The following NINJ2 variants were observed in gnomAD, a reference collection of about 807,000 sequenced individuals.
The protein encoded by NINJ2 is ninjurin-2.
In NINJ2, 12 loss-of-function variants were observed where a neutral mutation model predicts 11.7. That is an observed-to-expected ratio of 1.02 (90% CI 0.66 to 1.66). The LOEUF is 1.66. Ranked by LOEUF, NINJ2 falls within the 40% of genes most tolerant of loss-of-function variation. The probability of loss-of-function intolerance (pLI) is 0.00; values close to 1 mark genes in which losing one functional copy is unlikely to be tolerated. For missense variants in NINJ2, 187 were observed against 181.8 expected, an observed-to-expected ratio of 1.03 and a Z score of -0.16; for synonymous variants, 93 against 76.8, an observed-to-expected ratio of 1.21 and a Z score of -1.10.
intron 1 of NINJ2, among the ~76,000 whole-genome samples, chr12:616,980 C>T (rs1324559832): frequency 3.3e-5 from 5 of 152,144 alleles, no homozygotes; most frequent in Admixed American, 6.5e-5. Flanking sequence ...CCAAGGTTGG[C>T]GGATCACCTG....
At position 591,630 on chromosome 12, in the gene NINJ2, G is replaced by A. The variant is rs1381411169; in HGVS notation, c.34-25452C>T. Among the ~76,000 whole-genome samples, 4 of 152,126 alleles carry A rather than the reference G, an allele frequency of 2.6e-5. No individual in the cohort carries two copies. The highest frequency in any genetic ancestry group is 4.2e-4 in the South Asian group (2 of 4,812). On this transcript the variant is annotated intron_variant, in intron 1 of 3. Coordinates refer to ENST00000305108, the MANE Select transcript of NINJ2 (RefSeq NM_016533.6). The surrounding 1 kb of genome is among the most constrained non-coding windows in gnomAD (Gnocchi z 5.0). ...CTTTTGGCTGAGCTCCGAGTCCCTGGAGGGACAGTGTCTGCTGTGAACAGA... is the reference window on the plus strand; with the variant it reads ...CTTTTGGCTGAGCTCCGAGTCCCTGAAGGGACAGTGTCTGCTGTGAACAGA...
intron 1 of NINJ2, among the ~76,000 whole-genome samples, chr12:652,775 C>T (rs1289134922): frequency 6.6e-6 from 1 of 151,188 alleles, no homozygotes; most frequent in African/African-American, 2.4e-5. Flanking sequence ...TAGTGAAACC[C>T]CATGTCTACT....
At chr12:648,123 A>G (rs1430480179) in intron 1 of NINJ2, among the ~76,000 whole-genome samples, 1 of 152,170 alleles carries the variant, frequency 6.6e-6, no homozygotes, top group Non-Finnish European at 1.5e-5. Context: ...CCCAGGCTGG[A>G]GTGCAATGGT....
At chr12:615,168 C>G (rs1302445840) in intron 1 of NINJ2, among the ~76,000 whole-genome samples, 1 of 152,162 alleles carries the variant, frequency 6.6e-6, no homozygotes, top group Non-Finnish European at 1.5e-5. Flanking sequence ...GATATGCACG[C>G]CCCATTAGGA....
chr12:595,645 C>T (rs899506415), intron 1 of NINJ2, among the ~76,000 whole-genome samples: 1 of 151,902 alleles, frequency 6.6e-6, no homozygotes, highest in Admixed American at 6.6e-5. Flanking sequence ...CCCAGTTACT[C>T]GGGAGGCTGA....
intron 1 of NINJ2, among the ~76,000 whole-genome samples, chr12:631,363 T>TTTAG (rs761754682): frequency 3.3e-5 from 5 of 151,964 alleles, no homozygotes; most frequent in Non-Finnish European, 7.4e-5. Context: ...TAAATTTTTA[T>TTTAG]TTATTTATTT....
intron 1 of NINJ2, among the ~76,000 whole-genome samples, chr12:596,927 A>G (rs1468045373): frequency 6.6e-6 from 1 of 151,828 alleles, no homozygotes; most frequent in African/African-American, 2.4e-5. Context: ...TGTCTCAAAA[A>G]AAAAACAAAA....
chr12:649,390 A>G (rs1307001509), intron 1 of NINJ2, among the ~76,000 whole-genome samples: 1 of 152,130 alleles, frequency 6.6e-6, no homozygotes, highest in Admixed American at 6.6e-5. Flanking sequence ...AGATACAAAA[A>G]ATAAGAGTTG....
At chr12:601,768 A>T (rs1400419905) in intron 1 of NINJ2, among the ~76,000 whole-genome samples, 1 of 152,164 alleles carries the variant, frequency 6.6e-6, no homozygotes, top group African/African-American at 2.4e-5. Context: ...CGGGAGGCTG[A>T]GGCAGGAGAA....
At chr12:604,927 G>C (rs758151083) in intron 1 of NINJ2, among the ~76,000 whole-genome samples, 5 of 152,218 alleles carry the variant, frequency 3.3e-5, no homozygotes, top group Non-Finnish European at 7.3e-5. Flanking sequence ...TCCAGGAACT[G>C]GTTTAGGTCC....
In NINJ2 at chr12:581,086, T is replaced by C. The variant is rs1161618873; in HGVS notation, c.34-14908A>G. Among the ~76,000 whole-genome samples, 1 of 151,188 alleles carries C rather than the reference T, an allele frequency of 6.6e-6. No homozygotes were observed. Among genetic ancestry groups the C allele is most frequent in the Non-Finnish European group, 1.5e-5 (1 of 67,792 alleles). ...GCGTGTCTCTGTGCCTCTGTGTGTG[T>C]GTGCATGTGTCTCTGTGTGTCTGTG... On this transcript the variant is annotated intron_variant, in intron 1 of 3. Transcript: ENST00000305108. This position sits in a 1 kb window ranked among gnomAD's most constrained non-coding sequence, Gnocchi z 4.9.
At chr12:653,965 A>C (rs1027571245) in intron 1 of NINJ2, among the ~76,000 whole-genome samples, 2 of 152,214 alleles carry the variant, frequency 1.3e-5, no homozygotes, top group African/African-American at 4.8e-5. Flanking sequence ...TAGGAGGCTG[A>C]AATGGGAAAA....
At chr12:632,972 T>C (rs1188925449) in intron 1 of NINJ2, among the ~76,000 whole-genome samples, 1 of 152,132 alleles carries the variant, frequency 6.6e-6, no homozygotes, top group Non-Finnish European at 1.5e-5. Context: ...GTGGGCCGGG[T>C]TGAGCTTGGG....
intron 1 of NINJ2, among the ~76,000 whole-genome samples, chr12:601,375 T>C (rs1458160444): frequency 6.8e-6 from 1 of 147,800 alleles, no homozygotes; most frequent in Non-Finnish European, 1.5e-5. Flanking sequence ...TGAAACCCCG[T>C]CTCTACTAAA....
At chr12:622,233 C>T (rs554922792) in intron 1 of NINJ2, among the ~76,000 whole-genome samples, 31 of 150,368 alleles carry the variant, frequency 2.1e-4, no homozygotes, top group South Asian at 6.3e-4. Flanking sequence ...CACGGTGAAA[C>T]CCCGTCTCTA....
chr12:647,446 G>A (rs1937704197), intron 1 of NINJ2, among the ~76,000 whole-genome samples: 1 of 104,228 alleles, frequency 9.6e-6, no homozygotes. Context: ...CACTGACAGT[G>A]TGGTGGTGCC....
chr12:590,256 G>A (rs978838340), intron 1 of NINJ2, among the ~76,000 whole-genome samples: 3 of 152,140 alleles, frequency 2.0e-5, no homozygotes, highest in Non-Finnish European at 4.4e-5. Context: ...TCGAAGGATG[G>A]GCTGGAGCGG....
intron 1 of NINJ2, among the ~76,000 whole-genome samples, chr12:662,293 T>G (rs1937968232): frequency 6.6e-6 from 1 of 152,162 alleles, no homozygotes; most frequent in Non-Finnish European, 1.5e-5. Flanking sequence ...GTGAATGGTT[T>G]TGACACAGCA....
In NINJ2 at chr12:604,687, G is replaced by A. The variant is rs183524512; in HGVS notation, c.34-38509C>T. ...AGCCACAGCCTGATGCTTGCAGGAA[G>A]GAACCAACAGGATACGAGGAATCCA... On this transcript the variant is annotated intron_variant, in intron 1 of 3. Transcript: ENST00000305108. Among the ~76,000 whole-genome samples, 92 of 152,268 alleles carry A rather than the reference G, an allele frequency of 6.0e-4. 1 individual carries two copies. The highest frequency in any genetic ancestry group is 2.1e-3 in the African/African-American group (88 of 41,564).
Sources: allele counts gnomAD v4.1 joint callset (sites outside exome capture counted in the v4.1 genomes callset), GRCh38; gene constraint gnomAD v4.1.1; non-coding constraint Gnocchi (gnomAD v3.1); transcripts MANE v1.5; gene names NCBI Gene and HGNC (gene_info 2026-07-23, HGNC 2026-07-21).